Variants in ZSWIM5 observed in about 807,000 individuals in gnomAD.
ZSWIM5 encodes the protein zinc finger SWIM-type containing 5.
Under a neutral mutation model 119.6 loss-of-function variants are expected in ZSWIM5, and 55 were observed. The ratio of observed to expected loss-of-function variants is 0.46; its 90% confidence interval spans 0.37 to 0.58. The LOEUF is 0.58. ZSWIM5 is among the 20% of genes least tolerant of loss of function. ZSWIM5 has a pLI of 0.00. For missense variants in ZSWIM5, 1,193 were observed against 1,512.8 expected (o/e 0.79, Z 3.51); for synonymous variants, 537 against 606.9 (o/e 0.88, Z 1.69).
At chr1:45,133,467 A>T (rs908439201) in intron 1 of ZSWIM5, among the ~76,000 whole-genome samples, 90 of 151,092 alleles carry the variant, frequency 6.0e-4, no homozygotes, top group Non-Finnish European at 1.1e-3. Context: ...GGTTGTTTTT[A>T]TCTTGTAAAT....
chr1:45,114,037 C>CA (rs1645532587), intron 1 of ZSWIM5, among the ~76,000 whole-genome samples: 1 of 152,210 alleles, frequency 6.6e-6, no homozygotes. Flanking sequence ...AGCAAACAAT[C>CA]AAACAACATC....
At position 45,106,081 on chromosome 1, in the gene ZSWIM5, G is replaced by A. The variant is rs368809300; in HGVS notation, c.596-17844C>T. Among the ~76,000 whole-genome samples, 25 of 139,914 alleles carry A rather than the reference G, an allele frequency of 1.8e-4. No individual in the cohort carries two copies. In the East Asian group the frequency reaches 3.4e-3, roughly 19 times the overall value. The allele number at this position is 139,914 out of a possible 152,430, so 91.8% of individuals were successfully genotyped here. A position where few individuals can be genotyped will look rare whatever the true frequency, so the allele number is the denominator to read the frequency against. On this transcript the variant is annotated intron_variant, in intron 1 of 13. Transcript: ENST00000359600. ...CGTCTGGGAGGTGAGGAGCGCCTCT[G>A]CACGGCCGCCCCGTCTGGGAGGTGA...
At chr1:45,185,097 A>G (rs1443914657) in intron 1 of ZSWIM5, among the ~76,000 whole-genome samples, 1 of 152,170 alleles carries the variant, frequency 6.6e-6, no homozygotes. Context: ...ATAACGCCGC[A>G]TATCTACAAC....
At chr1:45,108,185 T>G in intron 1 of ZSWIM5, among the ~76,000 whole-genome samples, 1 of 152,316 alleles carries the variant, frequency 6.6e-6, no homozygotes, top group East Asian at 1.9e-4. Context: ...GGAGAAATAA[T>G]GTGCACACAT....
chr1:45,098,443 C>T (rs921904398), intron 1 of ZSWIM5, among the ~76,000 whole-genome samples: 1 of 152,140 alleles, frequency 6.6e-6, no homozygotes. Flanking sequence ...AAGTCTTATT[C>T]CCTCTACTCA....
chr1:45,106,342 C>G (rs1467948481), intron 1 of ZSWIM5, among the ~76,000 whole-genome samples: 1 of 146,316 alleles, frequency 6.8e-6, no homozygotes, highest in Non-Finnish European at 1.5e-5. Flanking sequence ...CTCTGCCCGG[C>G]TGCCCCGTCT....
chr1:45,166,749 G>A (rs560693814), intron 1 of ZSWIM5, among the ~76,000 whole-genome samples: 1 of 152,038 alleles, frequency 6.6e-6, no homozygotes, highest in Non-Finnish European at 1.5e-5. Flanking sequence ...AAATACCTAG[G>A]AATCCAACTT....
chr1:45,126,759 G>A (rs1226722), intron 1 of ZSWIM5, among the ~76,000 whole-genome samples: 22,608 of 151,904 alleles, frequency 0.15, 2,139 homozygotes, highest in African/African-American at 0.26. Flanking sequence ...AAAAAAAAAT[G>A]AATTTATATC....
chr1:45,077,063 G>C (rs998720912), intron 2 of ZSWIM5, among the ~76,000 whole-genome samples: 2 of 152,084 alleles, frequency 1.3e-5, no homozygotes, highest in African/African-American at 4.8e-5. Context: ...AATTCTTTCT[G>C]AAAGGTCACA....
At chr1:45,144,796 T>C (rs1005935397) in intron 1 of ZSWIM5, among the ~76,000 whole-genome samples, 8 of 152,190 alleles carry the variant, frequency 5.3e-5, no homozygotes, top group African/African-American at 1.9e-4. Flanking sequence ...GCAGACTCCA[T>C]AAAAGAAGAA....
intron 4 of ZSWIM5, among the ~76,000 whole-genome samples, chr1:45,052,186 C>T (rs1297380191): frequency 1.3e-5 from 2 of 151,652 alleles, no homozygotes; most frequent in African/African-American, 2.4e-5. Flanking sequence ...CCACCATGCC[C>T]GGCTAATTTT....
At chr1:45,172,961 C>T (rs1234780804) in intron 1 of ZSWIM5, among the ~76,000 whole-genome samples, 5 of 151,866 alleles carry the variant, frequency 3.3e-5, no homozygotes, top group Non-Finnish European at 2.9e-5. Context: ...ACCAGGAATT[C>T]GAGACCAGCC....
chr1:45,068,893 T>C (rs777285659), intron 2 of ZSWIM5, among the ~76,000 whole-genome samples: 37 of 141,254 alleles, frequency 2.6e-4, no homozygotes, highest in Non-Finnish European at 4.4e-4. Context: ...CTCAAACTCC[T>C]GGGCTCAAGC....
chr1:45,039,768 G>C (rs1645008452), intron 7 of ZSWIM5, among the ~76,000 whole-genome samples: 2 of 150,600 alleles, frequency 1.3e-5, no homozygotes, highest in African/African-American at 4.9e-5. Context: ...GCAATGGTGT[G>C]ATCTCGGCTC....
intron 1 of ZSWIM5, among the ~76,000 whole-genome samples, chr1:45,185,107 C>T (rs1260425608): frequency 6.6e-6 from 1 of 152,144 alleles, no homozygotes; most frequent in Non-Finnish European, 1.5e-5. Context: ...ATATCTACAA[C>T]TATCTGATCT....
At chr1:45,131,493 G>A (rs6689406) in intron 1 of ZSWIM5, among the ~76,000 whole-genome samples, 3,130 of 152,126 alleles carry the variant, frequency 0.021, 117 homozygotes, top group African/African-American at 0.072. Context: ...GGAGGCTGAG[G>A]TGGGTGGACC....
At chr1:45,109,700 G>A (rs1223651999) in intron 1 of ZSWIM5, among the ~76,000 whole-genome samples, 2 of 149,790 alleles carry the variant, frequency 1.3e-5, no homozygotes, top group South Asian at 2.1e-4. Flanking sequence ...AGCCAAGATC[G>A]AGCCACTGCA....
chr1:45,148,783 G>A (rs1048348595), intron 1 of ZSWIM5, among the ~76,000 whole-genome samples: 2 of 152,240 alleles, frequency 1.3e-5, no homozygotes, highest in South Asian at 2.1e-4. Context: ...AGCCTCCCTC[G>A]GATAGCTAAT....
At chr1:45,100,042 G>C (rs559135084) in intron 1 of ZSWIM5, among the ~76,000 whole-genome samples, 1 of 152,214 alleles carries the variant, frequency 6.6e-6, no homozygotes, top group South Asian at 2.1e-4. Flanking sequence ...TGGAAGTTCT[G>C]GCCAGGGCAA....
Sources: gnomAD v4.1 joint callset for allele counts (sites outside exome capture counted in the v4.1 genomes callset) on GRCh38, gnomAD v4.1.1 for gene constraint, MANE v1.5 for transcripts, NCBI Gene and HGNC (gene_info 2026-07-23, HGNC 2026-07-21) for gene names.